Variants in ARHGEF3 observed in about 807,000 individuals in gnomAD.
ARHGEF3 encodes Rho guanine nucleotide exchange factor 3.
Under a neutral mutation model 63.2 loss-of-function variants are expected in ARHGEF3, and 28 were observed. The ratio of observed to expected loss-of-function variants is 0.44; its 90% CI spans 0.33 to 0.61. The LOEUF is 0.61. Among genes scored for constraint, ARHGEF3 ranks in the 20% least tolerant of loss-of-function variants. The pLI is 0.03. For missense variants in ARHGEF3, 533 were observed against 659.3 expected (o/e 0.81, Z 2.10); for synonymous variants, 266 against 254.2 (o/e 1.05, Z -0.44).
intron 4 of ARHGEF3, among the ~76,000 whole-genome samples, chr3:56,843,701 T>C (rs142394623): frequency 1.5e-3 from 230 of 151,902 alleles, no homozygotes; most frequent in African/African-American, 5.1e-3. Flanking sequence ...AGATGTTTTT[T>C]ATATTGTAAA....
chr3:57,019,412 G>T (rs995743864), intron 2 of ARHGEF3, among the ~76,000 whole-genome samples: 3 of 152,008 alleles, frequency 2.0e-5, no homozygotes, highest in African/African-American at 7.3e-5. Context: ...TCTCAGCCTC[G>T]GTGTGTTCCT....
At chr3:56,972,532 G>A (rs1700957701) in intron 2 of ARHGEF3, among the ~76,000 whole-genome samples, 1 of 152,072 alleles carries the variant, frequency 6.6e-6, no homozygotes, top group African/African-American at 2.4e-5. Context: ...ACAAAGCAGG[G>A]TAGGGGATCG....
At position 56,729,125 on chromosome 3, in the gene ARHGEF3, C is replaced by CA. The variant is rs2032919974; in HGVS notation, c.*144dup. 1 of 691,576 alleles carries CA rather than the reference C, an allele frequency of 1.4e-6. No homozygotes were observed. The highest frequency in any genetic ancestry group is 1.8e-5 in the African/African-American group (1 of 55,064). 42.8% of individuals were successfully genotyped at this position (691,576 alleles called of 1,614,324 possible). A position where few individuals can be genotyped will look rare whatever the true frequency, so the allele number is the denominator to read the frequency against. ...AGATTGGCAGTTACAGTACTAGGGA[C>CA]AAAGGTACAGATACGAGAGACTGGG... On this transcript the variant is annotated 3_prime_UTR_variant, in exon 10 of 10. Coordinates refer to ENST00000296315, the MANE Select transcript of ARHGEF3 (RefSeq NM_019555.3).
rs60299557 is a variant in ARHGEF3 at position 56,994,064 on chromosome 3, C to CAAAAAAAAAAAAAAAAAAAAAAAAA, written c.63-35176_63-35175insTTTTTTTTTTTTTTTTTTTTTTTTT. ...GGGCGACAAGAGTGAAACTTCGTCT[C>CAAAAAAAAAAAAAAAAAAAAAAAAA]AAAAAAAAAAAAAAAAAAAAAGCAC... is the stretch of plus-strand genomic sequence containing the variant. On this transcript the variant is annotated intron_variant, in intron 2 of 12. Transcript: ENST00000338458. Among the ~76,000 whole-genome samples the CAAAAAAAAAAAAAAAAAAAAAAAAA allele has an allele frequency of 2.3e-3, 139 of 59,700 alleles. 16 individuals carry two copies. Among genetic ancestry groups the CAAAAAAAAAAAAAAAAAAAAAAAAA allele is most frequent in the Middle Eastern group, 0.012 (1 of 82 alleles). 39.2% of individuals were successfully genotyped at this position (59,700 alleles called of 152,430 possible).
At chr3:57,002,487 ATATATATATGT>A (rs1163974246) in intron 2 of ARHGEF3, among the ~76,000 whole-genome samples, 1,140 of 49,948 alleles carry the variant, frequency 0.023, 107 homozygotes, top group East Asian at 0.096. Flanking sequence ...TGTTATATAT[ATATATATATGT>A]TATATATATA....
chr3:56,867,134 T>C (rs1239245002), intron 4 of ARHGEF3, among the ~76,000 whole-genome samples: 2 of 152,230 alleles, frequency 1.3e-5, no homozygotes, highest in African/African-American at 4.8e-5. Context: ...AATATGTATG[T>C]AGAGGAAGAC....
intron 4 of ARHGEF3, among the ~76,000 whole-genome samples, chr3:56,831,389 G>C (rs774596431): frequency 2.2e-4 from 34 of 152,126 alleles, no homozygotes; most frequent in Non-Finnish European, 4.4e-4. Context: ...AAGGGTATTT[G>C]GAGTTAAGAG....
chr3:57,064,210 A>C (rs562890554), intron 1 of ARHGEF3, among the ~76,000 whole-genome samples: 1 of 152,312 alleles, frequency 6.6e-6, no homozygotes, highest in African/African-American at 2.4e-5. Flanking sequence ...TAGAGGTTGC[A>C]GTGAGCTGAG....
At chr3:56,977,743 G>T (rs1207835598) in intron 2 of ARHGEF3, among the ~76,000 whole-genome samples, 1 of 152,154 alleles carries the variant, frequency 6.6e-6, no homozygotes, top group Non-Finnish European at 1.5e-5. Context: ...TGGCTATCTT[G>T]TGGCCCTAAG....
intron 1 of ARHGEF3, among the ~76,000 whole-genome samples, chr3:57,042,609 CT>C (rs1704232914): frequency 7.0e-6 from 1 of 143,326 alleles, no homozygotes; most frequent in African/African-American, 2.6e-5. Context: ...TCCCCAAGAG[CT>C]GACTGTTAAA....
chr3:56,889,192 A>T (rs1416896833), intron 3 of ARHGEF3, among the ~76,000 whole-genome samples: 4 of 152,134 alleles, frequency 2.6e-5, no homozygotes, highest in African/African-American at 9.7e-5. Context: ...TGATATCACA[A>T]GGCAGACATC....
intron 3 of ARHGEF3, among the ~76,000 whole-genome samples, chr3:56,936,635 A>T (rs1698917679): frequency 6.6e-6 from 1 of 152,262 alleles, no homozygotes; most frequent in South Asian, 2.1e-4. Context: ...TTACCAGATT[A>T]CAAGAAATAT....
At chr3:56,934,495 G>A (rs531602481) in intron 3 of ARHGEF3, among the ~76,000 whole-genome samples, 2 of 150,902 alleles carry the variant, frequency 1.3e-5, no homozygotes, top group South Asian at 4.1e-4. Flanking sequence ...CTGGGGCTGC[G>A]TGCGGTGCTG....
intron 1 of ARHGEF3, among the ~76,000 whole-genome samples, chr3:57,039,827 C>T (rs936807622): frequency 6.6e-6 from 1 of 152,184 alleles, no homozygotes; most frequent in Admixed American, 6.5e-5. Flanking sequence ...ACTACACTGG[C>T]CCCTCAAGGA....
chr3:56,973,494 T>C (rs1240053901), intron 2 of ARHGEF3, among the ~76,000 whole-genome samples: 2 of 152,132 alleles, frequency 1.3e-5, no homozygotes, highest in African/African-American at 4.8e-5. Context: ...ACATATAACA[T>C]TGAAATAGTA....
At chr3:56,774,998 ACC>A in intron 1 of ARHGEF3, 2 of 1,519,578 alleles carry the variant, frequency 1.3e-6, no homozygotes. Context: ...GAGAAGAGTT[ACC>A]CTTGTCCTCC....
intron 4 of ARHGEF3, among the ~76,000 whole-genome samples, chr3:56,842,913 C>T (rs1354545388): frequency 6.6e-6 from 1 of 152,138 alleles, no homozygotes; most frequent in Non-Finnish European, 1.5e-5. Flanking sequence ...CAAATAGCTC[C>T]AACTTTTGAC....
At chr3:56,892,224 C>G (rs892639528) in intron 3 of ARHGEF3, among the ~76,000 whole-genome samples, 3 of 152,044 alleles carry the variant, frequency 2.0e-5, no homozygotes, top group Non-Finnish European at 4.4e-5. Flanking sequence ...GGATAGAGGG[C>G]TGCCAAATAT....
chr3:56,773,741 T>C lies in ARHGEF3; in HGVS notation c.172A>G (p.Thr58Ala). The C allele has an allele frequency of 1.3e-6, 2 of 1,596,480 alleles. No individual in the cohort carries two copies. Among genetic ancestry groups the C allele is most frequent in the Non-Finnish European group, 1.7e-6 (2 of 1,173,968 alleles). The change falls in exon 2 of 10, where the codon ACG (threonine) becomes GCG (alanine). Residue 58 changes from threonine to alanine, a missense_variant. Physicochemically the swap from Thr to Ala is moderately conservative, Grantham distance 58. This residue lies in a region of ARHGEF3 where 160 missense variants were observed against 157.3 expected (regional missense o/e 1.02). Transcript: ENST00000296315. Reference protein sequence around the residue: ...LANLIPPVKATPLKRFSQTLQ... With the variant: ...LANLIPPVKAAPLKRFSQTLQ... Reference sequence around the variant, plus strand: ...GTTTGACTGAAGCGCTTTAATGGCGTGGCCTTCACGGGCGGGATGAGGTTT... The same window carrying C: ...GTTTGACTGAAGCGCTTTAATGGCGCGGCCTTCACGGGCGGGATGAGGTTT...
Sources: allele counts gnomAD v4.1 joint callset (sites outside exome capture counted in the v4.1 genomes callset), GRCh38; gene constraint gnomAD v4.1.1; regional missense constraint gnomAD v4.1.1; transcripts MANE v1.5; gene names NCBI Gene and HGNC (gene_info 2026-07-23, HGNC 2026-07-21).